CC2D2A: variants seen among roughly 807,000 people sequenced by gnomAD.
CC2D2A encodes coiled-coil and C2 domain containing 2A.
In CC2D2A, 155 loss-of-function variants were observed where a neutral mutation model predicts 212.9. That is an observed-to-expected ratio of 0.73 (90% CI 0.64 to 0.83). The LOEUF (loss-of-function observed/expected upper bound fraction) is 0.83, where lower values mean the gene tolerates loss of function less well. Among genes scored for constraint, CC2D2A ranks in the 40% least tolerant of loss-of-function variants. CC2D2A has a pLI of 0.00. For missense variants in CC2D2A, 1,856 were observed against 1,956.2 expected (o/e 0.95, Z 0.97); for synonymous variants, 667 against 686.5 (o/e 0.97, Z 0.44).
intron 31 of CC2D2A, among the ~76,000 whole-genome samples, chr4:15,586,936 C>T (rs894107704): frequency 6.6e-6 from 1 of 152,142 alleles, no homozygotes; most frequent in Non-Finnish European, 1.5e-5. Flanking sequence ...TACATTTTGG[C>T]AACATAAATG....
In CC2D2A at chr4:15,587,895, A is replaced by C. The variant is rs1720923990; in HGVS notation, c.4145A>C (p.Lys1382Thr). The change falls in exon 32 of 37, where the codon AAG becomes ACG. Residue 1382 changes from lysine (K) to threonine (T), a missense_variant. By Grantham distance (78) the Lys-to-Thr change is moderately conservative (BLOSUM62 -1). Coordinates refer to ENST00000424120, the MANE Select transcript of CC2D2A (RefSeq NM_001378615.1). ...AATTACTTTCTGTCTCTGGGTAAGA[A>C]GGCCTGGCTGTTGATGGGCAATGCT... ...LCNYFLSLGK[K>T]AWLLMGNAIP... The C allele has an allele frequency of 6.2e-7, 1 of 1,612,950 alleles. No homozygotes were observed. Among genetic ancestry groups the C allele is most frequent in the Non-Finnish European group, 8.5e-7 (1 of 1,179,140 alleles).
chr4:15,567,819 G>T, intron 26 of CC2D2A, 33 bp downstream of exon 26: 2 of 1,438,588 alleles, frequency 1.4e-6, no homozygotes, highest in South Asian at 2.6e-5. Context: ...AGAACTATAG[G>T]ACATTTTGAA....
intron 20 of CC2D2A, among the ~76,000 whole-genome samples, chr4:15,556,356 A>C (rs1360797963): frequency 6.6e-6 from 1 of 152,098 alleles, no homozygotes; most frequent in Admixed American, 6.5e-5. Flanking sequence ...GTTTATTCTG[A>C]CTTTTATCTT....
intron 1 of CC2D2A, among the ~76,000 whole-genome samples, chr4:15,472,305 T>C (rs774599276): frequency 5.3e-5 from 8 of 152,214 alleles, no homozygotes; most frequent in Non-Finnish European, 7.3e-5. Context: ...AAAGAGAACA[T>C]GTCTATAGTT....
intron 30 of CC2D2A, among the ~76,000 whole-genome samples, chr4:15,581,432 G>T (rs542792034): frequency 2.6e-5 from 4 of 152,302 alleles, no homozygotes; most frequent in Middle Eastern, 3.4e-3. Flanking sequence ...AATGATGAAA[G>T]CTTGAAATAG....
intron 6 of CC2D2A, among the ~76,000 whole-genome samples, chr4:15,507,842 T>C (rs1046995527): frequency 6.6e-6 from 1 of 152,216 alleles, no homozygotes; most frequent in Non-Finnish European, 1.5e-5. Context: ...CCAAGTGTGT[T>C]GATGGACTTC....
chr4:15,590,881 C>G (rs1160893967), intron 33 of CC2D2A, among the ~76,000 whole-genome samples: 1 of 152,106 alleles, frequency 6.6e-6, no homozygotes, highest in Non-Finnish European at 1.5e-5. Flanking sequence ...GGATCACAGG[C>G]ACGTGCCACC....
At chr4:15,580,593 G>A (rs7692607) in intron 30 of CC2D2A, among the ~76,000 whole-genome samples, 81,819 of 144,924 alleles carry the variant, frequency 0.56, 22,843 homozygotes, top group Admixed American at 0.68. Context: ...AGCCAAAATT[G>A]TGTCATTGCA....
chr4:15,553,044 C>T, intron 18 of CC2D2A, 114 bp from the exon 19 acceptor site: 2 of 863,858 alleles, frequency 2.3e-6, no homozygotes, highest in Non-Finnish European at 3.4e-6. Flanking sequence ...TGTGCTCCAT[C>T]TTCATCACCC....
chr4:15,549,538 T>C (rs1474561124), intron 17 of CC2D2A, among the ~76,000 whole-genome samples: 2 of 152,154 alleles, frequency 1.3e-5, no homozygotes, highest in Non-Finnish European at 2.9e-5. Flanking sequence ...AGAATTCAGA[T>C]CAGGCTGTAA....
At chr4:15,564,209 A>T (rs1719768654) in intron 24 of CC2D2A, 1 of 152,366 alleles carries the variant, frequency 6.6e-6, no homozygotes, top group Non-Finnish European at 1.5e-5. Flanking sequence ...GAGGAAACAG[A>T]GAAGGAAGGA....
chr4:15,520,399 A>G (rs1717137463), intron 11 of CC2D2A, among the ~76,000 whole-genome samples: 1 of 152,220 alleles, frequency 6.6e-6, no homozygotes, highest in African/African-American at 2.4e-5. Context: ...TTAGTGATCA[A>G]AACAATATCA....
At chr4:15,524,305 G>C (rs1227939031) in intron 11 of CC2D2A, among the ~76,000 whole-genome samples, 1 of 151,424 alleles carries the variant, frequency 6.6e-6, no homozygotes, top group East Asian at 2.0e-4. Flanking sequence ...GCTAACTTTT[G>C]TATTTTTAGT....
rs571173405 is a variant in CC2D2A, at chr4:15,548,179, G to A, written c.2182-2645G>A. 2.5e-3 allele frequency among the ~76,000 whole-genome samples: 364 copies of A among 147,052 alleles called. 3 individuals are homozygous for A. The highest frequency in any genetic ancestry group is 8.8e-3 in the African/African-American group (349 of 39,678). Reference sequence around the variant, plus strand: ...CGTTTTTTTCTCATTAAAAAAATCTGATAAATATCTCCTGAGACAGTAACA... The same window carrying A: ...CGTTTTTTTCTCATTAAAAAAATCTAATAAATATCTCCTGAGACAGTAACA... On this transcript the variant is annotated intron_variant, in intron 17 of 36. Coordinates refer to ENST00000424120, the MANE Select transcript of CC2D2A (RefSeq NM_001378615.1).
chr4:15,571,777 G>A (rs1362425501), intron 28 of CC2D2A, among the ~76,000 whole-genome samples: 2 of 151,118 alleles, frequency 1.3e-5, no homozygotes, highest in Non-Finnish European at 3.0e-5. Context: ...ATTTTAAATG[G>A]AAAAAAAAAT....
In CC2D2A at chr4:15,556,641, CT is replaced by C. The variant is rs201693707; in HGVS notation, c.2626-662del. 3.7e-3 allele frequency among the ~76,000 whole-genome samples: 565 copies of C among 152,332 alleles called. 2 individuals are homozygous for C. The highest frequency in any genetic ancestry group is 0.013 in the African/African-American group (528 of 41,574). On this transcript the variant is annotated intron_variant, in intron 20 of 36. Transcript: ENST00000424120. Reference sequence around the variant, plus strand: ...TCTTGGGGCACTAGCTTTTCCTCTGCTCAGGAGGAGGTTACAGCCAGCAAAG... The same window carrying C: ...TCTTGGGGCACTAGCTTTTCCTCTGCCAGGAGGAGGTTACAGCCAGCAAAG...
In CC2D2A at chr4:15,596,215, T is replaced by A. The variant is rs775286779; in HGVS notation, c.4437+8T>A. ...GGCCTTTCCAGTGTTCAGGTATAAATCTTTTATTAACAGTTAAATGTAGAC... is the reference window on the plus strand; with the variant it reads ...GGCCTTTCCAGTGTTCAGGTATAAAACTTTTATTAACAGTTAAATGTAGAC... On this transcript the variant is annotated splice_region_variant and intron_variant, in intron 34 of 36. Transcript: ENST00000424120. 35 of 1,507,804 alleles carry A rather than the reference T, an allele frequency of 2.3e-5. No homozygotes were observed. The South Asian group carries it at 3.3e-4, about 14-fold the overall frequency. 93.4% of individuals were successfully genotyped at this position (1,507,804 alleles called of 1,614,324 possible).
intron 4 of CC2D2A, among the ~76,000 whole-genome samples, chr4:15,483,429 G>T (rs1461404347): frequency 6.6e-5 from 10 of 152,148 alleles, no homozygotes; most frequent in Admixed American, 2.0e-4. Flanking sequence ...GATAGAAGCA[G>T]CCATGTGCTT....
At chr4:15,519,270 A>C (rs772069637) in intron 11 of CC2D2A, 2 of 375,628 alleles carry the variant, frequency 5.3e-6, no homozygotes, top group South Asian at 2.1e-5. Flanking sequence ...AAAATATAAC[A>C]AGTCACATTT....
Sources: gnomAD v4.1 joint callset for allele counts (sites outside exome capture counted in the v4.1 genomes callset) on GRCh38, gnomAD v4.1.1 for gene constraint, MANE v1.5 for transcripts, NCBI Gene and HGNC (gene_info 2026-07-23, HGNC 2026-07-21) for gene names.